MECR: variants seen among roughly 807,000 people sequenced by gnomAD.
MECR encodes the protein mitochondrial trans-2-enoyl-CoA reductase.
A neutral mutation model predicts 49.1 loss-of-function variants in MECR; 37 were observed. The observed-to-expected ratio is 0.75, with a 90% CI of 0.58 to 0.99. The LOEUF (loss-of-function observed/expected upper bound fraction) is 0.99, where lower values mean the gene tolerates loss of function less well. Among genes scored for constraint, MECR ranks in the 50% least tolerant of loss-of-function variants. The pLI, the probability that MECR is intolerant of heterozygous loss-of-function variation, is 0.00. For missense variants in MECR, 470 were observed against 479.6 expected (o/e 0.98, Z 0.19); for synonymous variants, 198 against 191.1 (o/e 1.04, Z -0.30).
intron 3 of MECR, among the ~76,000 whole-genome samples, chr1:29,209,754 C>G (rs1677496084): frequency 6.6e-6 from 1 of 152,144 alleles, no homozygotes; most frequent in South Asian, 2.1e-4. Context: ...ACTGTGTCAC[C>G]TTAGGGAAAT....
chr1:29,188,351 G>A (rs1288627831), downstream of MECR, among the ~76,000 whole-genome samples: 6 of 151,462 alleles, frequency 4.0e-5, no homozygotes, highest in Admixed American at 6.6e-5. Context: ...CACCACGCCC[G>A]GCTAATTTTG....
intron 3 of MECR, among the ~76,000 whole-genome samples, chr1:29,208,969 T>C (rs1413464725): frequency 6.6e-6 from 1 of 152,224 alleles, no homozygotes; most frequent in Non-Finnish European, 1.5e-5. Context: ...AGGTAGGGCA[T>C]GCAGCAGATG....
At chr1:29,176,222 A>G in the MECR span, among the ~76,000 whole-genome samples, 1 of 152,284 alleles carries the variant, frequency 6.6e-6, no homozygotes, top group South Asian at 2.1e-4. Flanking sequence ...ACTGCACTCC[A>G]GCCTGGGCGA....
chr1:29,181,625 A>G, the MECR span: 2 of 1,567,114 alleles, frequency 1.3e-6, no homozygotes, highest in Non-Finnish European at 8.6e-7. Flanking sequence ...GCCCGGCCGG[A>G]CCCTCTTTCG....
chr1:29,173,756 G>C, the MECR span, among the ~76,000 whole-genome samples: 1 of 151,522 alleles, frequency 6.6e-6, no homozygotes, highest in Non-Finnish European at 1.5e-5. Context: ...GGTCCAAAAA[G>C]TTCTTGAATT....
rs763169735 is a variant in MECR, at chr1:29,194,172, G to C, written c.972C>G (p.Phe324Leu). 1.2e-5 allele frequency: 20 copies of C among 1,606,572 alleles called. No homozygotes were observed. The highest frequency in any genetic ancestry group is 1.7e-5 in the Non-Finnish European group (20 of 1,176,346). The change falls in exon 10 of 10, where the codon TTC becomes TTG. Residue 324 changes from phenylalanine to leucine, a missense_variant. Coordinates refer to ENST00000263702, the MANE Select transcript of MECR (RefSeq NM_016011.5). Reference protein sequence around the residue: ...QWKKDHSPDQFKELILTLCDL... With the variant: ...QWKKDHSPDQLKELILTLCDL... ...CGCACAGTGTGAGGATCAGCTCCTTGAACTGGTCTGCGGGAGGTTGGAGGA... is the reference window on the plus strand; with the variant it reads ...CGCACAGTGTGAGGATCAGCTCCTTCAACTGGTCTGCGGGAGGTTGGAGGA...
At chr1:29,197,952 G>A (rs1048258259) in intron 7 of MECR, among the ~76,000 whole-genome samples, 7 of 152,174 alleles carry the variant, frequency 4.6e-5, no homozygotes, top group Non-Finnish European at 2.9e-5. Flanking sequence ...TTAGACCAGC[G>A]GTCCCTAACC....
At chr1:29,185,969 G>C in the MECR span, among the ~76,000 whole-genome samples, 1 of 152,114 alleles carries the variant, frequency 6.6e-6, no homozygotes, top group African/African-American at 2.4e-5. Flanking sequence ...CTGGATGTCA[G>C]AGTGAGACCC....
the MECR span, among the ~76,000 whole-genome samples, chr1:29,178,353 C>CTTCTTTTTTTTTTTTTTTTTTTT: frequency 7.8e-6 from 1 of 127,888 alleles, no homozygotes; most frequent in African/African-American, 3.0e-5. Flanking sequence ...GTTTCAATTA[C>CTTCTTTTTTTTTTTTTTTTTTTT]TTTTTTTTTT....
At chr1:29,188,212 T>TG (rs1190751057), downstream of MECR, among the ~76,000 whole-genome samples, 5 of 150,816 alleles carry the variant, frequency 3.3e-5, no homozygotes, top group South Asian at 2.1e-4. Context: ...TTTTTTGAAA[T>TG]GGAGTCTCAC....
chr1:29,176,472 TTAAAAAC>T, the MECR span, among the ~76,000 whole-genome samples: 292 of 141,160 alleles, frequency 2.1e-3, 2 homozygotes, highest in African/African-American at 7.4e-3. Flanking sequence ...CTTGGGAGAA[TTAAAAAC>T]TAAAAACTTT....
chr1:29,188,606 A>G (rs980656515), downstream of MECR, among the ~76,000 whole-genome samples: 4 of 151,790 alleles, frequency 2.6e-5, no homozygotes, highest in African/African-American at 9.7e-5. Context: ...GCAGGGCTTC[A>G]GGTGCGCTCA....
downstream of MECR, among the ~76,000 whole-genome samples, chr1:29,189,669 G>A (rs1439564661): frequency 2.0e-5 from 3 of 152,176 alleles, no homozygotes; most frequent in African/African-American, 4.8e-5. Context: ...GAAGGGGGCG[G>A]GGTGGGCTTA....
intron 1 of MECR, chr1:29,220,896 T>C: frequency 1.0e-6 from 1 of 985,154 alleles, no homozygotes; most frequent in South Asian, 4.7e-5. Context: ...CAAGGAAACC[T>C]CTGGAACAAT....
Position 29,192,773 on chromosome 1 carries a change from T to C in MECR, c.*1249A>G, listed in dbSNP as rs1673200753. The C allele has an allele frequency of 6.6e-6, 1 of 152,118 alleles. No homozygotes were observed. Among genetic ancestry groups the C allele is most frequent in the South Asian group, 2.1e-4 (1 of 4,822 alleles). The allele number at this position is 152,118 out of a possible 1,614,324, so 9.4% of individuals were successfully genotyped here. A position where few individuals can be genotyped will look rare whatever the true frequency, so the allele number is the denominator to read the frequency against. On this transcript the variant is annotated 3_prime_UTR_variant, in exon 10 of 10. Transcript: ENST00000263702. ...CATTTGTGAGAGCCCACCTTCAAAC[T>C]TCACCTCAAGGAAGCATACCCCTGT... is the stretch of plus-strand genomic sequence containing the variant.
At chr1:29,190,382 A>C (rs1483439956), downstream of MECR, among the ~76,000 whole-genome samples, 2 of 151,964 alleles carry the variant, frequency 1.3e-5, no homozygotes, top group Non-Finnish European at 2.9e-5. Flanking sequence ...ACAAAAAAAA[A>C]CCGTAGTCAA....
At chr1:29,200,795 C>G (rs1219994012) in intron 6 of MECR, among the ~76,000 whole-genome samples, 1 of 151,592 alleles carries the variant, frequency 6.6e-6, no homozygotes, top group Non-Finnish European at 1.5e-5. Context: ...TTTCTTTTTT[C>G]TTTTTCTTTC....
At chr1:29,203,710 T>C (rs1675883712) in intron 4 of MECR, among the ~76,000 whole-genome samples, 1 of 152,216 alleles carries the variant, frequency 6.6e-6, no homozygotes, top group Non-Finnish European at 1.5e-5. Flanking sequence ...TGGGCATCTG[T>C]ATTAATGCAC....
downstream of MECR, among the ~76,000 whole-genome samples, chr1:29,192,576 C>T (rs1372086471): frequency 6.6e-6 from 1 of 152,160 alleles, no homozygotes; most frequent in Non-Finnish European, 1.5e-5. Flanking sequence ...TGGGCACACA[C>T]TAGGCACTCA....
Sources: gnomAD v4.1 joint callset for allele counts (sites outside exome capture counted in the v4.1 genomes callset) on GRCh38, gnomAD v4.1.1 for gene constraint, MANE v1.5 for transcripts, NCBI Gene and HGNC (gene_info 2026-07-23, HGNC 2026-07-21) for gene names.